Variants in RPSA2 observed in about 807,000 individuals in gnomAD.
RPSA2 encodes small ribosomal subunit protein uS2B.
the RPSA2 span, among the ~76,000 whole-genome samples, chr19:23,864,972 A>T: frequency 6.6e-6 from 1 of 152,096 alleles, no homozygotes; most frequent in Non-Finnish European, 1.5e-5. Flanking sequence ...GAGCCCTCTG[A>T]CCTATTCTTC....
chr19:23,815,669 G>T, the RPSA2 span, among the ~76,000 whole-genome samples: 1 of 152,038 alleles, frequency 6.6e-6, no homozygotes, highest in Non-Finnish European at 1.5e-5. Flanking sequence ...GATTAATACG[G>T]TCTGCAATGT....
chr19:23,868,137 C>T, the RPSA2 span, among the ~76,000 whole-genome samples: 3 of 152,158 alleles, frequency 2.0e-5, no homozygotes, highest in Non-Finnish European at 4.4e-5. Flanking sequence ...CCAATGGGTG[C>T]ATTACAGCAG....
the RPSA2 span, chr19:23,827,827 G>C: frequency 6.5e-7 from 1 of 1,529,478 alleles, no homozygotes; most frequent in Non-Finnish European, 8.9e-7. Context: ...AGAAGGCAGT[G>C]ACCAAGGAGG....
At chr19:23,769,415 C>T in the RPSA2 span, among the ~76,000 whole-genome samples, 12 of 152,234 alleles carry the variant, frequency 7.9e-5, no homozygotes, top group African/African-American at 2.9e-4. Flanking sequence ...AAAATCTTGG[C>T]TCACTGCAAC....
At chr19:23,839,623 G>A in the RPSA2 span, among the ~76,000 whole-genome samples, 1 of 152,224 alleles carries the variant, frequency 6.6e-6, no homozygotes, top group Non-Finnish European at 1.5e-5. Context: ...CTTGCCAGGA[G>A]GCTTCTTGCC....
the RPSA2 span, among the ~76,000 whole-genome samples, chr19:23,835,296 C>T: frequency 6.6e-6 from 1 of 152,080 alleles, no homozygotes; most frequent in African/African-American, 2.4e-5. Flanking sequence ...TAAATATTCA[C>T]ATCTATTAGT....
chr19:23,804,841 C>G, the RPSA2 span, among the ~76,000 whole-genome samples: 1 of 152,152 alleles, frequency 6.6e-6, no homozygotes, highest in Non-Finnish European at 1.5e-5. Context: ...GCAGAACTCT[C>G]TTGTGCCCTT....
chr19:23,845,248 A>G, the RPSA2 span, among the ~76,000 whole-genome samples: 5 of 111,088 alleles, frequency 4.5e-5, no homozygotes, highest in African/African-American at 6.9e-5. Context: ...TTTGGTTTTT[A>G]TTTCATTTGG....
chr19:23,789,740 C>T, the RPSA2 span, among the ~76,000 whole-genome samples: 3 of 151,180 alleles, frequency 2.0e-5, no homozygotes, highest in Non-Finnish European at 1.5e-5. Context: ...GACAGAGTCT[C>T]GCTCTGTCAC....
chr19:23,832,309 T>C, the RPSA2 span: 1 of 470,374 alleles, frequency 2.1e-6, no homozygotes, highest in South Asian at 1.6e-5. Context: ...ACATTACAAG[T>C]GTGAAGAAAG....
chr19:23,824,580 C>CTTTCTTTCTTTTTTTTTTTTT, the RPSA2 span, among the ~76,000 whole-genome samples: 2 of 63,822 alleles, frequency 3.1e-5, no homozygotes, highest in East Asian at 4.8e-4. Flanking sequence ...TATAGCATTT[C>CTTTCTTTCTTTTTTTTTTTTT]TTTTTTTTTT....
chr19:23,808,662 A>T, the RPSA2 span: 2 of 497,256 alleles, frequency 4.0e-6, no homozygotes, highest in Non-Finnish European at 7.9e-6. Flanking sequence ...ACACATTACT[A>T]AGTTGGTAAT....
the RPSA2 span, among the ~76,000 whole-genome samples, chr19:23,830,325 G>A: frequency 6.6e-5 from 10 of 151,930 alleles, no homozygotes; most frequent in Non-Finnish European, 1.2e-4. Context: ...TTGTCGTTTT[G>A]GTAGAGACAG....
chr19:23,797,882 G>C, the RPSA2 span, among the ~76,000 whole-genome samples: 1 of 152,166 alleles, frequency 6.6e-6, no homozygotes, highest in African/African-American at 2.4e-5. Context: ...AGACCTAGCT[G>C]TTGTAAAAGA....
the RPSA2 span, among the ~76,000 whole-genome samples, chr19:23,783,705 C>T: frequency 6.6e-6 from 1 of 152,130 alleles, no homozygotes; most frequent in Non-Finnish European, 1.5e-5. Context: ...CACAGAGAGC[C>T]TTGGGATGTA....
the RPSA2 span, among the ~76,000 whole-genome samples, chr19:23,811,794 A>G: frequency 6.6e-6 from 1 of 151,664 alleles, no homozygotes; most frequent in Non-Finnish European, 1.5e-5. Context: ...TGCTAAATAT[A>G]TGTATAATTT....
the RPSA2 span, chr19:23,782,480 C>T: frequency 2.0e-5 from 3 of 152,166 alleles, no homozygotes; most frequent in African/African-American, 7.2e-5. Context: ...ATTACAATCT[C>T]TCCTATAGAC....
the RPSA2 span, among the ~76,000 whole-genome samples, chr19:23,824,535 C>T: frequency 9.6e-6 from 1 of 104,364 alleles, no homozygotes; most frequent in East Asian, 3.2e-4. Context: ...TGATGGTGTT[C>T]ATTATTATTT....
At chr19:23,807,881 GC>G in the RPSA2 span, 1 of 415,660 alleles carries the variant, frequency 2.4e-6, no homozygotes, top group South Asian at 2.1e-5. Context: ...GAGTAGCAGT[GC>G]CTGGACACTG....
Sources: gnomAD v4.1 joint callset for allele counts (sites outside exome capture counted in the v4.1 genomes callset) on GRCh38, gnomAD v4.1.1 for gene constraint, MANE v1.5 for transcripts, NCBI Gene and HGNC (gene_info 2026-07-23, HGNC 2026-07-21) for gene names.